The following EFCAB13 variants were observed in gnomAD, a reference collection of about 807,000 sequenced individuals.
EFCAB13 encodes the protein EF-hand calcium-binding domain-containing protein 13.
EFCAB13 carries 91 observed loss-of-function variants against 110.2 expected under a neutral mutation model. The observed-to-expected ratio is 0.83, with a 90% CI of 0.70 to 0.98. EFCAB13 has a LOEUF of 0.98. Ranked by LOEUF, EFCAB13 falls within the 50% of genes least tolerant of loss-of-function variation. EFCAB13 has a pLI of 0.00. For synonymous variants in EFCAB13, 323 were observed against 369.9 expected (o/e 0.87, Z 1.45); for missense variants, 968 against 1,119.4 (o/e 0.86, Z 1.93).
chr17:47,332,104 G>A (rs1376205425), intron 4 of EFCAB13, among the ~76,000 whole-genome samples: 3 of 152,248 alleles, frequency 2.0e-5, no homozygotes, highest in East Asian at 3.9e-4. Context: ...TAGTTGGATT[G>A]TATGGTAAAA....
intron 9 of EFCAB13, among the ~76,000 whole-genome samples, chr17:47,356,352 G>A (rs1259689290): frequency 6.6e-6 from 1 of 152,182 alleles, no homozygotes; most frequent in African/African-American, 2.4e-5. Context: ...GGACTCAAGG[G>A]CTGCTGTTCA....
chr17:47,438,537 G>A (rs1159408888), intron 24 of EFCAB13, among the ~76,000 whole-genome samples: 1 of 145,218 alleles, frequency 6.9e-6, no homozygotes, highest in Non-Finnish European at 1.5e-5. Context: ...GAGTTAATTA[G>A]AAGAACTTAT....
At chr17:47,416,164 G>C (rs1363692941) in intron 23 of EFCAB13, among the ~76,000 whole-genome samples, 1 of 151,964 alleles carries the variant, frequency 6.6e-6, no homozygotes, top group Non-Finnish European at 1.5e-5. Context: ...CCCTTTTAAA[G>C]TGTACCATTC....
chr17:47,357,984 T>G (rs2065490653), intron 9 of EFCAB13, among the ~76,000 whole-genome samples: 1 of 152,216 alleles, frequency 6.6e-6, no homozygotes, highest in African/African-American at 2.4e-5. Context: ...CCTTATTTTC[T>G]GTTTGTGGAC....
At chr17:47,405,953 C>G (rs772494789) in intron 20 of EFCAB13, among the ~76,000 whole-genome samples, 21 of 151,656 alleles carry the variant, frequency 1.4e-4, no homozygotes, top group Admixed American at 1.3e-3. Flanking sequence ...TTAAGGCAGT[C>G]AATTTTCATT....
At chr17:47,434,425 A>C (rs772067385) in intron 24 of EFCAB13, among the ~76,000 whole-genome samples, 6 of 152,164 alleles carry the variant, frequency 3.9e-5, no homozygotes, top group Non-Finnish European at 8.8e-5. Context: ...ACACAAACAA[A>C]TGGTCATGGA....
Position 47,394,104 on chromosome 17 carries a change from G to T in EFCAB13, c.1801+5G>T. 1 of 1,493,402 alleles carries T rather than the reference G, an allele frequency of 6.7e-7. No individual in the cohort carries two copies. Among genetic ancestry groups the T allele is most frequent in the Non-Finnish European group, 8.9e-7 (1 of 1,117,522 alleles). The allele number at this position is 1,493,402 out of a possible 1,614,324, so 92.5% of individuals were successfully genotyped here. On this transcript the variant is annotated splice_donor_5th_base_variant and intron_variant, in intron 16 of 24. Transcript: ENST00000331493. ...AATGCTTCTCTGAAAAATTAGGTAC[G>T]TAAGAATATCATGTCTTCTGCTTTT...
At chr17:47,330,531 A>G (rs141768310) in intron 4 of EFCAB13, among the ~76,000 whole-genome samples, 7 of 152,136 alleles carry the variant, frequency 4.6e-5, no homozygotes, top group African/African-American at 1.7e-4. Flanking sequence ...GCTCCCATTT[A>G]TAAATGAGAA....
chr17:47,324,745 G>C (rs2065270850), intron 2 of EFCAB13, among the ~76,000 whole-genome samples: 1 of 151,928 alleles, frequency 6.6e-6, no homozygotes, highest in African/African-American at 2.4e-5. Context: ...GTCATACAGA[G>C]TCATGCTTCA....
At position 47,416,526 on chromosome 17, in the gene EFCAB13, TC is replaced by T. The variant is rs539852606; in HGVS notation, c.2494+1608del. On this transcript the variant is annotated intron_variant, in intron 23 of 24. Coordinates refer to ENST00000331493, the MANE Select transcript of EFCAB13 (RefSeq NM_152347.5). Reference sequence around the variant, plus strand: ...AAGGTTTGGGATATGAATGATCCCATCACCCAGGTACTGAGGATAGTATGCA... The same window carrying T: ...AAGGTTTGGGATATGAATGATCCCATACCCAGGTACTGAGGATAGTATGCA... Among the ~76,000 whole-genome samples the T allele has an allele frequency of 8.2e-4, 125 of 152,288 alleles. 1 individual carries two copies. Among genetic ancestry groups the T allele is most frequent in the African/African-American group, 2.9e-3 (121 of 41,554 alleles).
rs777877449 is a variant in EFCAB13, at chr17:47,412,917, G to T, written c.2422+1G>T. On this transcript the variant is annotated splice_donor_variant, in intron 22 of 24. Coordinates refer to ENST00000331493, the MANE Select transcript of EFCAB13 (RefSeq NM_152347.5). LOFTEE classifies it high-confidence loss of function. ...GCCCTTAACTGTTGTAACGTCAGTG[G>T]TGAGCATTTTTTTGGCCTGAGATTC... 1 of 1,603,222 alleles carries T rather than the reference G, an allele frequency of 6.2e-7. No homozygotes were observed. The highest frequency in any genetic ancestry group is 1.3e-5 in the African/African-American group (1 of 74,404).
Position 47,440,858 on chromosome 17 carries a change from T to C in EFCAB13, c.*144T>C, listed in dbSNP as rs559868938. On this transcript the variant is annotated 3_prime_UTR_variant, in exon 25 of 25. Transcript: ENST00000331493. ...TTTATCACTATCTGTTATGTTCTCA[T>C]GTATCTTCAGCGACTCTCTTGATCA... 1,282 of 629,788 alleles carry C rather than the reference T, an allele frequency of 2.0e-3. 1 individual carries two copies. Among genetic ancestry groups the C allele is most frequent in the Admixed American group, 3.3e-3 (88 of 26,712 alleles). The allele number at this position is 629,788 out of a possible 1,614,324, so 39.0% of individuals were successfully genotyped here.
chr17:47,370,744 T>TGC lies in EFCAB13; in HGVS notation c.877+236_877+237insGC, dbSNP rs2065578132. 2.7e-5 allele frequency among the ~76,000 whole-genome samples: 4 copies of TGC among 147,934 alleles called. No individual in the cohort carries two copies. The South Asian group carries it at 8.5e-4, about 32-fold the overall frequency. On this transcript the variant is annotated intron_variant, in intron 11 of 24. Transcript: ENST00000331493. Reference sequence around the variant, plus strand: ...TTTGTTGTTGTTGTTGTTTGTTTTTTTTTTTTTTTTTTTTGAGGCGGAGTT... The same window carrying TGC: ...TTTGTTGTTGTTGTTGTTTGTTTTTTGCTTTTTTTTTTTTTTGAGGCGGAGTT...
chr17:47,340,586 T>A (rs1170856041), intron 5 of EFCAB13, among the ~76,000 whole-genome samples: 1 of 151,910 alleles, frequency 6.6e-6, no homozygotes, highest in Non-Finnish European at 1.5e-5. Context: ...CAGTCTCTCA[T>A]GATTTTTTAT....
At chr17:47,369,326 A>G (rs2065568138) in intron 10 of EFCAB13, among the ~76,000 whole-genome samples, 1 of 152,140 alleles carries the variant, frequency 6.6e-6, no homozygotes, top group Non-Finnish European at 1.5e-5. Flanking sequence ...GGTCTTATTT[A>G]TATTTTTCAA....
intron 10 of EFCAB13, among the ~76,000 whole-genome samples, chr17:47,368,385 A>G (rs763000843): frequency 6.6e-6 from 1 of 152,158 alleles, no homozygotes; most frequent in Non-Finnish European, 1.5e-5. Context: ...GGTTCATTGG[A>G]TTTTGCATTC....
At chr17:47,389,469 C>G (rs1422792998) in intron 14 of EFCAB13, among the ~76,000 whole-genome samples, 1 of 152,106 alleles carries the variant, frequency 6.6e-6, no homozygotes, top group Non-Finnish European at 1.5e-5. Flanking sequence ...TTTACAATCC[C>G]AAGTCTTAGA....
intron 9 of EFCAB13, among the ~76,000 whole-genome samples, chr17:47,348,311 C>T (rs1224098698): frequency 6.6e-6 from 1 of 151,924 alleles, no homozygotes; most frequent in Non-Finnish European, 1.5e-5. Flanking sequence ...CAATAATTTA[C>T]ATCCAACTGT....
In EFCAB13 at chr17:47,341,948, A is replaced by G; in HGVS notation, c.219A>G (p.Gly73=). ...KIFETSIIFC[G]EEKSSDFSGE... ...TTGAAACATCAATAATCTTTTGTGG[A>G]GAAGAAAAGTCCTCTGATTTTTCAG... The change falls in exon 6 of 25, where the codon GGA becomes GGG. Residue 73 remains glycine, a synonymous_variant. Coordinates refer to ENST00000331493, the MANE Select transcript of EFCAB13 (RefSeq NM_152347.5). The G allele has an allele frequency of 6.3e-7, 1 of 1,590,044 alleles. No individual in the cohort carries two copies. The highest frequency in any genetic ancestry group is 8.6e-7 in the Non-Finnish European group (1 of 1,166,214).
Sources: gnomAD v4.1 joint callset for allele counts (sites outside exome capture counted in the v4.1 genomes callset) on GRCh38, gnomAD v4.1.1 for gene constraint, MANE v1.5 for transcripts, NCBI Gene and HGNC (gene_info 2026-07-23, HGNC 2026-07-21) for gene names.